Variants in PCDH15 observed in about 807,000 individuals in gnomAD.
PCDH15 encodes protocadherin-15.
Under a neutral mutation model 178.5 loss-of-function variants are expected in PCDH15, and 129 were observed. The observed-to-expected ratio is 0.72, with a 90% CI of 0.63 to 0.84. The LOEUF (loss-of-function observed/expected upper bound fraction) is 0.84. Among genes scored for constraint, PCDH15 ranks in the 40% least tolerant of loss-of-function variants. PCDH15 has a pLI of 0.00. For missense variants in PCDH15, 2,230 were observed against 2,099.9 expected, an observed-to-expected ratio of 1.06 and a Z score of -1.21; for synonymous variants, 800 against 732.0, an observed-to-expected ratio of 1.09 and a Z score of -1.50.
Position 54,079,347 on chromosome 10 carries a change from T to A in PCDH15, c.2075A>T (p.Asp692Val). The change falls in exon 17 of 38, where the codon GAT becomes GTT. Residue 692 changes from aspartate to valine, a missense_variant. Physicochemically the swap from Asp to Val is radical, Grantham distance 152 (BLOSUM62 -3). Transcript: ENST00000644397. ...CATACTCACCCCATCTGGCCTGCCATCTGAAGCTGTGATGATCAGAATGTA... is the reference window on the plus strand; with the variant it reads ...CATACTCACCCCATCTGGCCTGCCAACTGAAGCTGTGATGATCAGAATGTA... ...DRYILIITAS[D>V]GRPDGTSTAT... 1 of 1,614,102 alleles carries A rather than the reference T, an allele frequency of 6.2e-7. No individual in the cohort carries two copies. The highest frequency in any genetic ancestry group is 8.5e-7 in the Non-Finnish European group (1 of 1,179,970).
At chr10:53,883,025 T>G (rs573670117) in intron 26 of PCDH15, among the ~76,000 whole-genome samples, 21 of 152,292 alleles carry the variant, frequency 1.4e-4, no homozygotes, top group African/African-American at 4.6e-4. Context: ...CCTTTATGTT[T>G]TTTTGATGTA....
intron 3 of PCDH15, among the ~76,000 whole-genome samples, chr10:54,507,265 T>C (rs2081249900): frequency 6.6e-6 from 1 of 151,654 alleles, no homozygotes; most frequent in Non-Finnish European, 1.5e-5. Flanking sequence ...CAGATTTTCA[T>C]TTAAATAATA....
intron 3 of PCDH15, among the ~76,000 whole-genome samples, chr10:54,874,355 C>G (rs573017728): frequency 1.2e-4 from 18 of 148,298 alleles, no homozygotes; most frequent in South Asian, 4.4e-4. Flanking sequence ...GCCACATTTT[C>G]TTAATCCAGT....
At chr10:55,379,386 A>C (rs910119488) in intron 2 of PCDH15, among the ~76,000 whole-genome samples, 2 of 152,114 alleles carry the variant, frequency 1.3e-5, no homozygotes, top group African/African-American at 2.4e-5. Flanking sequence ...AAAGTGGAAA[A>C]AAAGCTGAAT....
chr10:53,959,981 C>T, intron 22 of PCDH15, 137 bp from the exon 23 acceptor site: 1 of 714,420 alleles, frequency 1.4e-6, no homozygotes, highest in South Asian at 1.5e-5. Flanking sequence ...TCACTGCCTA[C>T]CAGGTGGCAG....
chr10:55,511,773 G>C (rs1229632451), intron 2 of PCDH15, among the ~76,000 whole-genome samples: 1 of 151,992 alleles, frequency 6.6e-6, no homozygotes, highest in African/African-American at 2.4e-5. Context: ...ATGTTCATGA[G>C]AATCATACAG....
chr10:54,194,896 A>C (rs1253959659), intron 11 of PCDH15, among the ~76,000 whole-genome samples: 2 of 152,160 alleles, frequency 1.3e-5, no homozygotes, highest in African/African-American at 4.8e-5. Flanking sequence ...TTCTGTGTGT[A>C]TCTCTCAGGC....
intron 1 of PCDH15, among the ~76,000 whole-genome samples, chr10:54,786,717 T>C (rs1158010971): frequency 6.6e-6 from 1 of 151,956 alleles, no homozygotes. Context: ...GTCAATACAA[T>C]GAAATGACAA....
intron 15 of PCDH15, among the ~76,000 whole-genome samples, chr10:54,107,351 AT>A (rs1210310140): frequency 6.6e-6 from 1 of 152,178 alleles, no homozygotes; most frequent in Non-Finnish European, 1.5e-5. Context: ...TGAATAAGTA[AT>A]TTCATAAACC....
chr10:54,247,237 A>G (rs2056035650), intron 8 of PCDH15, among the ~76,000 whole-genome samples: 1 of 151,918 alleles, frequency 6.6e-6, no homozygotes, highest in South Asian at 2.1e-4. Context: ...AATTTTCCTT[A>G]TCTATTTCCA....
At chr10:54,315,936 T>C (rs12779060) in intron 8 of PCDH15, among the ~76,000 whole-genome samples, 2 of 47,260 alleles carry the variant, frequency 4.2e-5, no homozygotes, top group Non-Finnish European at 6.2e-5. Context: ...TGTGTGTTTT[T>C]TTTGTTTGTT....
At chr10:55,116,309 T>G (rs1332768580) in intron 2 of PCDH15, among the ~76,000 whole-genome samples, 1 of 152,200 alleles carries the variant, frequency 6.6e-6, no homozygotes, top group African/African-American at 2.4e-5. Context: ...TAACCAGGCA[T>G]GCTATTTTCT....
At position 54,058,441 on chromosome 10, in the gene PCDH15, C is replaced by T. The variant is rs191237113; in HGVS notation, c.2220+8316G>A. On this transcript the variant is annotated intron_variant, in intron 18 of 37. Coordinates refer to ENST00000644397, the MANE Select transcript of PCDH15 (RefSeq NM_001384140.1). ...AAGACAGCGTATGCAGGGGAACTCC[C>T]ATTTATAAAACCATCACATCTTGTG... Among the ~76,000 whole-genome samples, 492 of 152,080 alleles carry T rather than the reference C, an allele frequency of 3.2e-3. 3 individuals carry two copies. Among genetic ancestry groups the T allele is most frequent in the Middle Eastern group, 0.024 (7 of 294 alleles).
chr10:54,953,917 TA>T (rs1838410341), intron 2 of PCDH15, among the ~76,000 whole-genome samples: 1 of 151,338 alleles, frequency 6.6e-6, no homozygotes, highest in African/African-American at 2.4e-5. Context: ...ATTTAAAAAA[TA>T]TATTTTCAGT....
chr10:55,255,223 A>T (rs992491727), intron 1 of PCDH15, among the ~76,000 whole-genome samples: 3 of 75,570 alleles, frequency 4.0e-5, no homozygotes, highest in African/African-American at 1.1e-4. Flanking sequence ...TGTCCTTGTG[A>T]TAGTTTGCTG....
intron 1 of PCDH15, among the ~76,000 whole-genome samples, chr10:54,794,382 T>A (rs1591664923): frequency 1.3e-5 from 2 of 151,806 alleles, no homozygotes; most frequent in South Asian, 4.1e-4. Flanking sequence ...AATTTACAAA[T>A]ACAAAATAAT....
intron 26 of PCDH15, among the ~76,000 whole-genome samples, chr10:53,877,182 G>A (rs1217090969): frequency 6.6e-6 from 1 of 151,682 alleles, no homozygotes; most frequent in African/African-American, 2.4e-5. Flanking sequence ...AAAATGTTTT[G>A]TAAAATAAAT....
intron 3 of PCDH15, among the ~76,000 whole-genome samples, chr10:54,465,215 T>C (rs2077438182): frequency 6.6e-6 from 1 of 152,132 alleles, no homozygotes; most frequent in Non-Finnish European, 1.5e-5. Context: ...CATGTCATAG[T>C]ATTTATTCCC....
intron 2 of PCDH15, among the ~76,000 whole-genome samples, chr10:54,643,086 C>A (rs2094030853): frequency 1.3e-5 from 2 of 152,054 alleles, no homozygotes; most frequent in African/African-American, 4.8e-5. Context: ...GCACGCCCAG[C>A]TAATTTTTTT....
Sources: gnomAD v4.1 joint callset for allele counts (sites outside exome capture counted in the v4.1 genomes callset) on GRCh38, gnomAD v4.1.1 for gene constraint, MANE v1.5 for transcripts, NCBI Gene and HGNC (gene_info 2026-07-23, HGNC 2026-07-21) for gene names.